CADM1: variants seen among roughly 807,000 people sequenced by gnomAD.
The protein encoded by CADM1 is cell adhesion molecule 1.
In CADM1, 15 loss-of-function variants were observed where a neutral mutation model predicts 53.1. The ratio of observed to expected loss-of-function variants is 0.28; its 90% CI spans 0.19 to 0.44. The LOEUF (loss-of-function observed/expected upper bound fraction) is 0.44. CADM1 is among the 20% of genes least tolerant of loss of function. The pLI is 1.00. For missense variants in CADM1, 434 were observed against 611.3 expected, an observed-to-expected ratio of 0.71 and a Z score of 3.06; for synonymous variants, 281 against 243.0, an observed-to-expected ratio of 1.16 and a Z score of -1.45.
At chr11:115,319,482 A>T (rs1003811735) in intron 1 of CADM1, among the ~76,000 whole-genome samples, 12 of 152,308 alleles carry the variant, frequency 7.9e-5, no homozygotes, top group Non-Finnish European at 1.3e-4. Context: ...ATAATGTTTT[A>T]AAAAACATTA....
intron 1 of CADM1, among the ~76,000 whole-genome samples, chr11:115,428,978 A>G (rs1392216771): frequency 6.6e-6 from 1 of 152,188 alleles, no homozygotes; most frequent in Non-Finnish European, 1.5e-5. Flanking sequence ...CCAACTCTCC[A>G]GAGTGCCAGA....
chr11:115,375,213 A>T (rs1246889828), intron 1 of CADM1, among the ~76,000 whole-genome samples: 1 of 152,202 alleles, frequency 6.6e-6, no homozygotes, highest in African/African-American at 2.4e-5. Flanking sequence ...GATATTCAAT[A>T]CACTATGCCC....
chr11:115,473,415 C>G (rs1357341240), intron 1 of CADM1, among the ~76,000 whole-genome samples: 2 of 152,040 alleles, frequency 1.3e-5, no homozygotes, highest in African/African-American at 4.8e-5. Context: ...GCCATTATGC[C>G]GCCACTGCAC....
chr11:115,311,809 AT>A (rs1337487135), intron 1 of CADM1, among the ~76,000 whole-genome samples: 1 of 152,050 alleles, frequency 6.6e-6, no homozygotes, highest in Non-Finnish European at 1.5e-5. Context: ...TGTTTTCTTG[AT>A]TTTTAAGAAA....
rs1327951679 is a variant in CADM1, at chr11:115,429,760, AAAT to A, written c.124+74508_124+74510del. 2.6e-5 allele frequency among the ~76,000 whole-genome samples: 4 copies of A among 152,310 alleles called. No individual in the cohort carries two copies. In the South Asian group the frequency reaches 6.2e-4, roughly 24 times the overall value. On this transcript the variant is annotated intron_variant, in intron 1 of 11. Coordinates refer to ENST00000331581, the MANE Select transcript of CADM1 (RefSeq NM_001301043.2). ...GCTAACAATGCCATGAGGTTACAAAAAATAATAAAAAATTAGAAGTAGATAATG... is the reference window on the plus strand; with the variant it reads ...GCTAACAATGCCATGAGGTTACAAAAAATAAAAAATTAGAAGTAGATAATG...
At position 115,174,258 on chromosome 11, in the gene CADM1, A is replaced by G. The variant is rs1024498214; in HGVS notation, c.*2216T>C. 1 of 970,366 alleles carries G rather than the reference A, an allele frequency of 1.0e-6. No homozygotes were observed. Among genetic ancestry groups the G allele is most frequent in the Non-Finnish European group, 1.2e-6 (1 of 824,426 alleles). The allele number at this position is 970,366 out of a possible 1,614,324, so 60.1% of individuals were successfully genotyped here. ...AAATGAGATGCCAATTCTGTGAGCAATGGTGTGATTTTTTTTTTTTGTTTT... is the reference window on the plus strand; with the variant it reads ...AAATGAGATGCCAATTCTGTGAGCAGTGGTGTGATTTTTTTTTTTTGTTTT... On this transcript the variant is annotated 3_prime_UTR_variant, in exon 12 of 12. Transcript: ENST00000331581.
intron 1 of CADM1, among the ~76,000 whole-genome samples, chr11:115,340,781 C>T (rs1357898129): frequency 3.3e-5 from 5 of 149,554 alleles, no homozygotes; most frequent in African/African-American, 4.9e-5. Context: ...GTGCCTCAAC[C>T]TCCCCAGTAA....
chr11:115,414,745 T>C (rs538698726), intron 1 of CADM1, among the ~76,000 whole-genome samples: 3 of 123,190 alleles, frequency 2.4e-5, no homozygotes, highest in African/African-American at 6.3e-5. Flanking sequence ...GTCAGAAAAA[T>C]TGCCCTGGAA....
intron 1 of CADM1, among the ~76,000 whole-genome samples, chr11:115,485,531 G>A (rs1418749235): frequency 6.6e-6 from 1 of 152,198 alleles, no homozygotes; most frequent in Non-Finnish European, 1.5e-5. Context: ...GGAGACAACT[G>A]AATCATGGGG....
chr11:115,321,633 C>G (rs1414875886), intron 1 of CADM1, among the ~76,000 whole-genome samples: 1 of 152,152 alleles, frequency 6.6e-6, no homozygotes, highest in Non-Finnish European at 1.5e-5. Flanking sequence ...GTCATGGATT[C>G]CTCTCCTTAA....
intron 1 of CADM1, among the ~76,000 whole-genome samples, chr11:115,284,136 G>C (rs1265974733): frequency 3.2e-4 from 33 of 103,542 alleles, no homozygotes; most frequent in Admixed American, 1.8e-3. Flanking sequence ...GTGTGTGTGT[G>C]TGTGTGTGTG....
chr11:115,374,879 T>TA (rs11449341), intron 1 of CADM1, among the ~76,000 whole-genome samples: 75,346 of 151,922 alleles, frequency 0.5, 19,450 homozygotes, highest in Non-Finnish European at 0.58. Flanking sequence ...CAAGTAGTTA[T>TA]ACTCACGGAC....
chr11:115,178,722 C>T lies in CADM1; in HGVS notation c.1219G>A (p.Gly407Ser), dbSNP rs1178794783. 1.2e-6 allele frequency: 2 copies of T among 1,613,914 alleles called. No homozygotes were observed. Among genetic ancestry groups the T allele is most frequent in the Non-Finnish European group, 8.5e-7 (1 of 1,179,964 alleles). ...SIRAVDHAVI[G>S]GVVAVVVFAM... is the part of the protein sequence containing the mutation. ...AACACCACCACCGCCACGACGCCAC[C>T]GATCACGGCATGATCCACTGCCCTG... is the stretch of plus-strand genomic sequence containing the variant. The change falls in exon 11 of 12, where the codon GGT (glycine) becomes AGT (serine). Residue 407 changes from glycine to serine, a missense_variant. This residue lies in a region of CADM1 where 311 missense variants were observed against 435.1 expected (regional missense o/e 0.71). Coordinates refer to ENST00000331581, the MANE Select transcript of CADM1 (RefSeq NM_001301043.2).
chr11:115,450,238 A>G (rs1948541907), intron 1 of CADM1, among the ~76,000 whole-genome samples: 1 of 152,148 alleles, frequency 6.6e-6, no homozygotes, highest in Admixed American at 6.5e-5. Flanking sequence ...TACTGACAAG[A>G]GCACCAATCA....
At chr11:115,378,611 T>C (rs1053742071) in intron 1 of CADM1, among the ~76,000 whole-genome samples, 5 of 152,026 alleles carry the variant, frequency 3.3e-5, no homozygotes, top group Non-Finnish European at 7.4e-5. Flanking sequence ...CAGCTCACCA[T>C]GTGCTTTTGT....
At chr11:115,231,169 A>G (rs899692706) in intron 4 of CADM1, among the ~76,000 whole-genome samples, 184 bp downstream of exon 4, 1 of 152,250 alleles carries the variant, frequency 6.6e-6, no homozygotes, top group Non-Finnish European at 1.5e-5. Flanking sequence ...GAATGAGGAC[A>G]TGGATTAGAA....
rs1326298297 is a variant in CADM1 at position 115,240,266 on chromosome 11, A to C, written c.271+8T>G. 1 of 1,613,184 alleles carries C rather than the reference A, an allele frequency of 6.2e-7. No homozygotes were observed. Among genetic ancestry groups the C allele is most frequent in the Non-Finnish European group, 8.5e-7 (1 of 1,179,624 alleles). ...TTGCCATCTACAACTATAGAGATGG[A>C]AACTTACGCCTGAAGTCCCTGAAAT... is the stretch of plus-strand genomic sequence containing the variant. On this transcript the variant is annotated splice_region_variant and intron_variant, in intron 2 of 11. Coordinates refer to ENST00000331581, the MANE Select transcript of CADM1 (RefSeq NM_001301043.2).
intron 1 of CADM1, among the ~76,000 whole-genome samples, chr11:115,274,702 C>T (rs940212828): frequency 6.6e-6 from 1 of 152,138 alleles, no homozygotes; most frequent in African/African-American, 2.4e-5. Flanking sequence ...TTATATAGTC[C>T]TCATAGGATT....
At chr11:115,451,664 C>G (rs1425517634) in intron 1 of CADM1, among the ~76,000 whole-genome samples, 2 of 152,178 alleles carry the variant, frequency 1.3e-5, no homozygotes, top group Non-Finnish European at 2.9e-5. Context: ...AAGACATGAG[C>G]AATCCCCACA....
Sources: allele counts gnomAD v4.1 joint callset (sites outside exome capture counted in the v4.1 genomes callset), GRCh38; gene constraint gnomAD v4.1.1; regional missense constraint gnomAD v4.1.1; transcripts MANE v1.5; gene names NCBI Gene and HGNC (gene_info 2026-07-23, HGNC 2026-07-21).